The following TNR variants were observed in gnomAD, a reference collection of about 807,000 sequenced individuals.
The protein encoded by TNR is tenascin R.
In TNR, 45 loss-of-function variants were observed where a neutral mutation model predicts 150.4. That is an observed-to-expected ratio of 0.30 (90% confidence interval 0.24 to 0.38). The LOEUF is 0.38. TNR is among the 10% of genes least tolerant of loss of function. The probability of loss-of-function intolerance (pLI) is 1.00; values close to 1 mark genes in which losing one functional copy is unlikely to be tolerated. For missense variants in TNR, 1,544 were observed against 1,759.1 expected (o/e 0.88, Z 2.19); for synonymous variants, 687 against 678.4 (o/e 1.01, Z -0.20).
chr1:175,403,817 G>A (rs906210993), intron 3 of TNR, among the ~76,000 whole-genome samples: 1 of 152,188 alleles, frequency 6.6e-6, no homozygotes, highest in Admixed American at 6.5e-5. Context: ...GCACAGGGCT[G>A]GGGGCAAAGA....
intron 2 of TNR, among the ~76,000 whole-genome samples, chr1:175,416,994 C>T (rs1216675410): frequency 2.6e-4 from 12 of 45,570 alleles, no homozygotes; most frequent in Admixed American, 4.2e-4. Context: ...GGCTACAGAG[C>T]GAGACTCCAT....
chr1:175,706,179 A>G (rs1472022935), intron 1 of TNR, among the ~76,000 whole-genome samples: 1 of 152,242 alleles, frequency 6.6e-6, no homozygotes, highest in Admixed American at 6.5e-5. Context: ...AAGTCCACGT[A>G]TCAGAGATCT....
intron 1 of TNR, among the ~76,000 whole-genome samples, chr1:175,635,311 C>G (rs1266177744): frequency 1.3e-5 from 2 of 152,226 alleles, no homozygotes; most frequent in Admixed American, 1.3e-4. Flanking sequence ...AACAAAAGGT[C>G]TCTAATTTTT....
chr1:175,360,480 T>C (rs184560457), intron 14 of TNR, among the ~76,000 whole-genome samples: 12 of 152,342 alleles, frequency 7.9e-5, no homozygotes, highest in Non-Finnish European at 1.6e-4. Context: ...TTCCTAGTCT[T>C]ACTTGCCCAT....
At chr1:175,691,302 T>C (rs942449064) in intron 1 of TNR, among the ~76,000 whole-genome samples, 7 of 151,766 alleles carry the variant, frequency 4.6e-5, no homozygotes, top group Non-Finnish European at 1.0e-4. Flanking sequence ...GTAATATTAA[T>C]GATGATGATA....
intron 21 of TNR, among the ~76,000 whole-genome samples, chr1:175,329,377 A>G (rs561151670): frequency 1.2e-4 from 19 of 152,362 alleles, no homozygotes; most frequent in Non-Finnish European, 2.2e-4. Context: ...TTCTGAAAAA[A>G]CTACTAATGC....
intron 20 of TNR, among the ~76,000 whole-genome samples, chr1:175,331,556 C>T (rs1032116900): frequency 6.6e-6 from 1 of 152,132 alleles, no homozygotes; most frequent in Non-Finnish European, 1.5e-5. Context: ...AGCCACTGTG[C>T]CTGGCCGATA....
intron 2 of TNR, among the ~76,000 whole-genome samples, chr1:175,515,386 T>C (rs1319361305): frequency 6.6e-6 from 1 of 152,166 alleles, no homozygotes; most frequent in African/African-American, 2.4e-5. Context: ...TAAGGAAACA[T>C]GGGCGCCTAA....
intron 15 of TNR, among the ~76,000 whole-genome samples, 166 bp downstream of exon 15, chr1:175,359,446 T>C (rs768994099): frequency 1.3e-5 from 2 of 152,060 alleles, no homozygotes; most frequent in African/African-American, 2.4e-5. Context: ...ATGCCCAGCA[T>C]AGAGTTTGGG....
intron 4 of TNR, among the ~76,000 whole-genome samples, chr1:175,398,895 A>T (rs1451955157): frequency 6.6e-6 from 1 of 152,336 alleles, no homozygotes; most frequent in South Asian, 2.1e-4. Context: ...ATGTAGAGAT[A>T]ATTATCCCAG....
intron 1 of TNR, among the ~76,000 whole-genome samples, chr1:175,728,858 G>A (rs1394035605): frequency 6.6e-6 from 1 of 152,198 alleles, no homozygotes; most frequent in Non-Finnish European, 1.5e-5. Context: ...AAGTGATATT[G>A]GAGATTCCAT....
chr1:175,512,236 C>A (rs1019151488), intron 2 of TNR, among the ~76,000 whole-genome samples: 2 of 152,178 alleles, frequency 1.3e-5, no homozygotes, highest in Non-Finnish European at 2.9e-5. Flanking sequence ...GAGTTAAGAT[C>A]CGTGACCATT....
intron 2 of TNR, among the ~76,000 whole-genome samples, chr1:175,456,268 G>A (rs1416661638): frequency 6.6e-6 from 1 of 152,180 alleles, no homozygotes; most frequent in Non-Finnish European, 1.5e-5. Flanking sequence ...AATGTTATTT[G>A]AGTGAAGGGC....
At chr1:175,473,021 G>A (rs1260940566) in intron 2 of TNR, among the ~76,000 whole-genome samples, 1 of 152,178 alleles carries the variant, frequency 6.6e-6, no homozygotes, top group Non-Finnish European at 1.5e-5. Flanking sequence ...AGTGATGAAA[G>A]AGGTGGCTGC....
At chr1:175,503,114 T>C (rs1658805447) in intron 2 of TNR, among the ~76,000 whole-genome samples, 1 of 152,164 alleles carries the variant, frequency 6.6e-6, no homozygotes, top group Admixed American at 6.5e-5. Flanking sequence ...CAGGTCCATA[T>C]GAACAGCCAG....
rs983270533 is a variant in TNR, at chr1:175,390,795, T to C, written c.1507+493A>G. Among the ~76,000 whole-genome samples, 4 of 152,396 alleles carry C rather than the reference T, an allele frequency of 2.6e-5. No individual in the cohort carries two copies. In the East Asian group the frequency reaches 7.7e-4, roughly 29 times the overall value. ...GCACTCACTCTCATCAGCACAGAGC[T>C]GATTGCTTTGTGTGCTTTATCTAAT... On this transcript the variant is annotated intron_variant, in intron 7 of 22. Transcript: ENST00000367674.
chr1:175,414,688 TG>T (rs1654358267), intron 2 of TNR, among the ~76,000 whole-genome samples: 1 of 152,172 alleles, frequency 6.6e-6, no homozygotes, highest in Non-Finnish European at 1.5e-5. Flanking sequence ...GGGAGGCCTG[TG>T]GGGAGAGACT....
chr1:175,350,162 G>A (rs74126986), intron 18 of TNR, among the ~76,000 whole-genome samples: 2,647 of 152,294 alleles, frequency 0.017, 86 homozygotes, highest in African/African-American at 0.061. Context: ...AGACTCCAAA[G>A]TTTTCTTAAA....
chr1:175,583,210 G>A (rs541737938), intron 1 of TNR, among the ~76,000 whole-genome samples: 354 of 152,230 alleles, frequency 2.3e-3, no homozygotes, highest in Non-Finnish European at 3.8e-3. Flanking sequence ...TCATGTGCCC[G>A]AGTAGAACAC....
Sources: gnomAD v4.1 joint callset for allele counts (sites outside exome capture counted in the v4.1 genomes callset) on GRCh38, gnomAD v4.1.1 for gene constraint, MANE v1.5 for transcripts, NCBI Gene and HGNC (gene_info 2026-07-23, HGNC 2026-07-21) for gene names.